NEMP2: variants seen among roughly 807,000 people sequenced by gnomAD.
NEMP2 encodes the protein nuclear envelope integral membrane protein 2.
Under a neutral mutation model 54.2 loss-of-function variants are expected in NEMP2, and 53 were observed. That is an observed-to-expected ratio of 0.98 (90% CI 0.78 to 1.23). The LOEUF is 1.23. Ranked by LOEUF, NEMP2 falls within the 50% of genes most tolerant of loss-of-function variation. The probability of loss-of-function intolerance (pLI) is 0.00; values close to 1 mark genes in which losing one functional copy is unlikely to be tolerated. For missense variants in NEMP2, 455 were observed against 511.3 expected, an observed-to-expected ratio of 0.89 and a Z score of 1.06; for synonymous variants, 197 against 190.3, an observed-to-expected ratio of 1.04 and a Z score of -0.29.
At chr2:190,619,894 A>G in the NEMP2 span, among the ~76,000 whole-genome samples, 18 of 152,198 alleles carry the variant, frequency 1.2e-4, no homozygotes, top group African/African-American at 2.7e-4. The surrounding 1 kb of genome is among the most constrained non-coding windows in gnomAD (Gnocchi z 5.5). Flanking sequence ...AAGCCATTCA[A>G]TGAATCCTGC....
the NEMP2 span, among the ~76,000 whole-genome samples, chr2:190,540,856 C>T: frequency 6.6e-6 from 1 of 151,864 alleles, no homozygotes; most frequent in Admixed American, 6.6e-5. Context: ...TCCATTAGAT[C>T]CTGGGCCTTT....
At chr2:190,568,455 A>C in the NEMP2 span, among the ~76,000 whole-genome samples, 4 of 152,214 alleles carry the variant, frequency 2.6e-5, no homozygotes, top group Non-Finnish European at 5.9e-5. The surrounding 1 kb of genome is among the most constrained non-coding windows in gnomAD (Gnocchi z 4.7). Context: ...AATTTGTACC[A>C]AAAGTGTCAA....
At chr2:190,483,727 C>T in the NEMP2 span, among the ~76,000 whole-genome samples, 40 of 149,790 alleles carry the variant, frequency 2.7e-4, no homozygotes, top group East Asian at 2.4e-3. Context: ...CCCAGCTACT[C>T]GGAAGGCTGA....
chr2:190,565,008 A>G, the NEMP2 span, among the ~76,000 whole-genome samples: 5 of 152,334 alleles, frequency 3.3e-5, no homozygotes, highest in Non-Finnish European at 4.4e-5. Flanking sequence ...ACTTGGAGTC[A>G]TCAGTCTTGG....
chr2:190,461,415 A>G, the NEMP2 span, among the ~76,000 whole-genome samples: 1 of 152,234 alleles, frequency 6.6e-6, no homozygotes, highest in African/African-American at 2.4e-5. This position sits in a 1 kb window ranked among gnomAD's most constrained non-coding sequence, Gnocchi z 5.5. Flanking sequence ...GTATCCTTTT[A>G]GAGATATTCT....
the NEMP2 span, chr2:190,435,747 C>A: frequency 3.0e-6 from 1 of 331,474 alleles, no homozygotes; most frequent in Admixed American, 4.4e-5. Context: ...AGCTGTAAAC[C>A]TGCCATTGGA....
At chr2:190,445,379 T>C in the NEMP2 span, among the ~76,000 whole-genome samples, 1 of 151,902 alleles carries the variant, frequency 6.6e-6, no homozygotes, top group Non-Finnish European at 1.5e-5. Flanking sequence ...ATCTAGCTCC[T>C]TCACATGCTA....
chr2:190,469,755 TAGG>T, the NEMP2 span: 1 of 1,457,778 alleles, frequency 6.9e-7, no homozygotes. This position sits in a 1 kb window ranked among gnomAD's most constrained non-coding sequence, Gnocchi z 5.3. Flanking sequence ...TATTTTTTTT[TAGG>T]GTTCTGTACA....
chr2:190,493,283 A>G, the NEMP2 span, among the ~76,000 whole-genome samples: 1 of 152,144 alleles, frequency 6.6e-6, no homozygotes, highest in African/African-American at 2.4e-5. Flanking sequence ...AAAAAAGACA[A>G]AGGGTGACAT....
the NEMP2 span, among the ~76,000 whole-genome samples, chr2:190,575,015 C>T: frequency 4.0e-5 from 6 of 151,898 alleles, no homozygotes; most frequent in Admixed American, 6.6e-5. Flanking sequence ...CCACCATGCC[C>T]GGCTACTTTT....
At chr2:190,431,725 GGAGGGAGAGGGA>G in the NEMP2 span, among the ~76,000 whole-genome samples, 2 of 151,976 alleles carry the variant, frequency 1.3e-5, no homozygotes, top group African/African-American at 2.4e-5. The surrounding 1 kb of genome is among the most constrained non-coding windows in gnomAD (Gnocchi z 4.4). Context: ...GTGGGGAGAG[GGAGGGAGAGGGA>G]GAGGGAGAGG....
the NEMP2 span, among the ~76,000 whole-genome samples, chr2:190,597,774 G>A: frequency 6.6e-6 from 1 of 151,822 alleles, no homozygotes; most frequent in Non-Finnish European, 1.5e-5. This position sits in a 1 kb window ranked among gnomAD's most constrained non-coding sequence, Gnocchi z 4.7. Flanking sequence ...AGGAGATGGG[G>A]TGAGCAAAGA....
At chr2:190,588,515 CAG>C in the NEMP2 span, among the ~76,000 whole-genome samples, 1 of 152,098 alleles carries the variant, frequency 6.6e-6, no homozygotes, top group African/African-American at 2.4e-5. The surrounding 1 kb of genome is among the most constrained non-coding windows in gnomAD (Gnocchi z 5.0). Context: ...CTGTTGAATA[CAG>C]AACCTACCTA....
the NEMP2 span, among the ~76,000 whole-genome samples, chr2:190,572,928 T>G: frequency 6.9e-6 from 1 of 145,464 alleles, no homozygotes; most frequent in Non-Finnish European, 1.5e-5. Flanking sequence ...TTCCCAGAAC[T>G]AGGATTACTA....
chr2:190,640,787 ATTT>A, the NEMP2 span, among the ~76,000 whole-genome samples: 5 of 118,000 alleles, frequency 4.2e-5, no homozygotes, highest in East Asian at 2.5e-4. Flanking sequence ...AACACATTCA[ATTT>A]TTTTTTTTTT....
chr2:190,469,939 C>T, the NEMP2 span: 1 of 944,840 alleles, frequency 1.1e-6, no homozygotes, highest in Non-Finnish European at 1.6e-6. The surrounding 1 kb of genome is among the most constrained non-coding windows in gnomAD (Gnocchi z 5.3). Flanking sequence ...GCATCTGATT[C>T]TATAAAGGAA....
At chr2:190,437,263 G>A in the NEMP2 span, 1 of 1,614,170 alleles carries the variant, frequency 6.2e-7, no homozygotes, top group African/African-American at 1.3e-5. The surrounding 1 kb of genome is among the most constrained non-coding windows in gnomAD (Gnocchi z 5.9). Context: ...CCCGCAGGTG[G>A]AAAGGAACAA....
the NEMP2 span, among the ~76,000 whole-genome samples, chr2:190,556,649 A>T: frequency 2.6e-5 from 4 of 152,246 alleles, no homozygotes; most frequent in Admixed American, 6.5e-5. Flanking sequence ...TACAAAATGA[A>T]TGTGCAAAAA....
the NEMP2 span, chr2:190,626,340 T>G: frequency 1.3e-5 from 2 of 152,252 alleles, no homozygotes; most frequent in East Asian, 3.9e-4. This position sits in a 1 kb window ranked among gnomAD's most constrained non-coding sequence, Gnocchi z 4.5. Flanking sequence ...GATAACATCC[T>G]GAAAATAATA....
Sources: allele counts gnomAD v4.1 joint callset (sites outside exome capture counted in the v4.1 genomes callset), GRCh38; gene constraint gnomAD v4.1.1; non-coding constraint Gnocchi (gnomAD v3.1); transcripts MANE v1.5; gene names NCBI Gene and HGNC (gene_info 2026-07-23, HGNC 2026-07-21).